The following MAP4K5 variants were observed in gnomAD, a reference collection of about 807,000 sequenced individuals.
The protein encoded by MAP4K5 is MAPK/ERK kinase kinase kinase 5.
MAP4K5 carries 82 observed loss-of-function variants against 135.6 expected under a neutral mutation model. That is an observed-to-expected ratio of 0.60 (90% CI 0.51 to 0.73). The LOEUF (loss-of-function observed/expected upper bound fraction) is 0.73. Among genes scored for constraint, MAP4K5 ranks in the 30% least tolerant of loss-of-function variants. The probability of loss-of-function intolerance (pLI) is 0.00; values close to 1 mark genes in which losing one functional copy is unlikely to be tolerated. For missense variants in MAP4K5, 907 were observed against 1,010.9 expected (o/e 0.90, Z 1.39); for synonymous variants, 347 against 335.0 (o/e 1.04, Z -0.39).
At chr14:50,438,988 C>CA (rs1286706590) in intron 23 of MAP4K5, among the ~76,000 whole-genome samples, 2 of 151,936 alleles carry the variant, frequency 1.3e-5, no homozygotes, top group Admixed American at 1.3e-4. Context: ...ATTGTCAACT[C>CA]AAACAGAATT....
intron 5 of MAP4K5, among the ~76,000 whole-genome samples, chr14:50,485,348 A>G (rs1037182508): frequency 3.3e-5 from 5 of 152,142 alleles, no homozygotes; most frequent in Non-Finnish European, 7.4e-5. Context: ...ATATCTAAAG[A>G]GTAAAATTTG....
At chr14:50,531,844 A>G (rs2038396729) in intron 2 of MAP4K5, 98 bp downstream of exon 2, 2 of 921,128 alleles carry the variant, frequency 2.2e-6, no homozygotes, top group Admixed American at 4.0e-5. Flanking sequence ...AGGCAACAAT[A>G]AAAGCATCCT....
Position 50,470,972 on chromosome 14 carries a change from A to G in MAP4K5, c.543-2190T>C, listed in dbSNP as rs73286580. Among the ~76,000 whole-genome samples the G allele has an allele frequency of 9.4e-3, 1,438 of 152,288 alleles. 27 individuals carry two copies. Among genetic ancestry groups the G allele is most frequent in the African/African-American group, 0.033 (1,376 of 41,538 alleles). On this transcript the variant is annotated intron_variant, in intron 9 of 32. Coordinates refer to ENST00000682126, the MANE Select transcript of MAP4K5 (RefSeq NM_006575.6). ...TTTTGATAAACATTACCATCAAATT[A>G]TGCTTCAAAATCGTTCTACCAATTT...
chr14:50,452,569 G>A (rs1011908106), intron 14 of MAP4K5, among the ~76,000 whole-genome samples: 1 of 152,136 alleles, frequency 6.6e-6, no homozygotes, highest in African/African-American at 2.4e-5. Flanking sequence ...ACAGGTCCAG[G>A]AAGCATTTCC....
At chr14:50,502,906 C>T (rs149627394) in intron 3 of MAP4K5, among the ~76,000 whole-genome samples, 96 of 151,846 alleles carry the variant, frequency 6.3e-4, no homozygotes, top group Non-Finnish European at 1.1e-3. Flanking sequence ...TCCCTTAGAA[C>T]AAACTTGCTC....
At chr14:50,560,477 G>C in intron 1 of MAP4K5, 2 of 817,318 alleles carry the variant, frequency 2.4e-6, no homozygotes, top group East Asian at 5.5e-5. Context: ...AGCGGTACCC[G>C]CGTCACCGAA....
rs1364707902 is a variant in MAP4K5, at chr14:50,434,379, G to C, written c.2164+15C>G. ...AAAAATATCAATATTCTAACATAAG[G>C]TAAAAAATACTTACCTGCACCAATT... is the stretch of plus-strand genomic sequence containing the variant. On this transcript the variant is annotated intron_variant, in intron 28 of 32. Coordinates refer to ENST00000682126, the MANE Select transcript of MAP4K5 (RefSeq NM_006575.6). 6.3e-7 allele frequency: 1 copy of C among 1,576,818 alleles called. No individual in the cohort carries two copies. The highest frequency in any genetic ancestry group is 8.6e-7 in the Non-Finnish European group (1 of 1,159,746).
At chr14:50,499,994 T>C (rs1335818511) in intron 3 of MAP4K5, among the ~76,000 whole-genome samples, 1 of 152,182 alleles carries the variant, frequency 6.6e-6, no homozygotes, top group Non-Finnish European at 1.5e-5. Flanking sequence ...AAAAAATGTC[T>C]ATAGAGTTTT....
chr14:50,542,708 A>G (rs1595566512), intron 1 of MAP4K5: 1 of 152,082 alleles, frequency 6.6e-6, no homozygotes, highest in African/African-American at 2.4e-5. Context: ...GGGAAGAAAA[A>G]GTTTAGGCTT....
chr14:50,440,676 T>C (rs1231687438), intron 21 of MAP4K5, among the ~76,000 whole-genome samples: 1 of 152,188 alleles, frequency 6.6e-6, no homozygotes, highest in African/African-American at 2.4e-5. Context: ...TCTTACTATA[T>C]AACCCTGCCT....
In MAP4K5 at chr14:50,560,104, T is replaced by C. The variant is rs545180341; in HGVS notation, c.-180+936A>G. The stretch of plus-strand genomic sequence containing the variant: ...GGTTCATCTGCTTTCTCCTCCCTTT[T>C]CCTCCCCACTCCTTCCCACCAGCGC... On this transcript the variant is annotated intron_variant, in intron 1 of 8. Transcript: ENST00000555216. 2.5e-5 allele frequency: 19 copies of C among 768,094 alleles called. No homozygotes were observed. In the South Asian group the frequency reaches 3.1e-4, roughly 13 times the overall value. The allele number at this position is 768,094 out of a possible 1,614,324, so 47.6% of individuals were successfully genotyped here. A position where few individuals can be genotyped will look rare whatever the true frequency, so the allele number is the denominator to read the frequency against.
chr14:50,496,595 A>G (rs1010763188), intron 3 of MAP4K5, among the ~76,000 whole-genome samples: 1 of 151,740 alleles, frequency 6.6e-6, no homozygotes, highest in Non-Finnish European at 1.5e-5. Context: ...TGAAGCCTCA[A>G]CCTCCTGGGC....
chr14:50,447,534 A>C, intron 15 of MAP4K5, 53 bp from the exon 16 acceptor site: 1 of 963,846 alleles, frequency 1.0e-6, no homozygotes, highest in Non-Finnish European at 1.6e-6. Flanking sequence ...GGTATTAACC[A>C]TTTTATTTGA....
At position 50,462,750 on chromosome 14, in the gene MAP4K5, C is replaced by T; in HGVS notation, c.851G>A (p.Arg284Lys). 1 of 1,610,938 alleles carries T rather than the reference C, an allele frequency of 6.2e-7. No individual in the cohort carries two copies. Among genetic ancestry groups the T allele is most frequent in the Non-Finnish European group, 8.5e-7 (1 of 1,178,830 alleles). ...HTFVAQPGLS[R>K]ALAVELLDKV... ...GTCTAACAGTTCAACTGCTAGGGCT[C>T]TAGAGAGACCTGGCTGTGCAACAAA... The change falls in exon 13 of 33, where the codon AGA becomes AAA. Residue 284 changes from arginine to lysine, a missense_variant. By Grantham distance (26) the Arg-to-Lys change is conservative. Around this residue, in one of 3 missense-constraint regions of MAP4K5, gnomAD observed 690 missense variants for 777.4 expected, o/e 0.89. Transcript: ENST00000682126.
chr14:50,452,990 G>A (rs2036524205), intron 14 of MAP4K5, among the ~76,000 whole-genome samples: 1 of 152,126 alleles, frequency 6.6e-6, no homozygotes, highest in Admixed American at 6.5e-5. Context: ...TTTGCTAGCT[G>A]GAGGTTTTGG....
rs2036256822 is a variant in MAP4K5, at chr14:50,442,729, T to C, written c.1564+3A>G. The C allele has an allele frequency of 6.4e-7, 1 of 1,566,416 alleles. No individual in the cohort carries two copies. The highest frequency in any genetic ancestry group is 1.4e-5 in the African/African-American group (1 of 73,032). ...AGATGTATATAAAATTCAAACATTTTACCTTTTGTATCAGGATGTATCCAG... is the reference window on the plus strand; with the variant it reads ...AGATGTATATAAAATTCAAACATTTCACCTTTTGTATCAGGATGTATCCAG... On this transcript the variant is annotated splice_donor_region_variant and intron_variant, in intron 21 of 32. Transcript: ENST00000682126.
intron 2 of MAP4K5, among the ~76,000 whole-genome samples, chr14:50,521,495 T>C (rs1165424425): frequency 6.6e-6 from 1 of 152,180 alleles, no homozygotes; most frequent in African/African-American, 2.4e-5. Context: ...AGATTGAGGG[T>C]AACAGTAAGT....
chr14:50,430,012 AATGT>A (rs1375232084), intron 28 of MAP4K5, among the ~76,000 whole-genome samples: 1 of 151,888 alleles, frequency 6.6e-6, no homozygotes, highest in African/African-American at 2.4e-5. Flanking sequence ...TTTTTTTTTA[AATGT>A]ATGTGCTTTT....
rs146217710 is a variant in MAP4K5, at chr14:50,433,796, C to T, written c.2164+598G>A. ...TGACCAAATACACCAGCACAACAAA[C>T]AGGAAACTAGCAAAATGGAGGCCCC... On this transcript the variant is annotated intron_variant, in intron 28 of 32. Transcript: ENST00000682126. Among the ~76,000 whole-genome samples, 874 of 152,254 alleles carry T rather than the reference C, an allele frequency of 5.7e-3. 8 individuals carry two copies. The highest frequency in any genetic ancestry group is 0.02 in the African/African-American group (811 of 41,558).
Sources: allele counts gnomAD v4.1 joint callset (sites outside exome capture counted in the v4.1 genomes callset), GRCh38; gene constraint gnomAD v4.1.1; regional missense constraint gnomAD v4.1.1; transcripts MANE v1.5; gene names NCBI Gene and HGNC (gene_info 2026-07-23, HGNC 2026-07-21).